Variants in KCNQ3 observed in about 807,000 individuals in gnomAD.
KCNQ3 encodes the protein potassium voltage-gated channel subfamily KQT member 3.
A neutral mutation model predicts 92.5 loss-of-function variants in KCNQ3; 30 were observed. That is an observed-to-expected ratio of 0.32 (90% CI 0.24 to 0.44). KCNQ3 has a LOEUF of 0.44. KCNQ3 is among the 20% of genes least tolerant of loss of function. The pLI is 1.00. For synonymous variants in KCNQ3, 450 were observed against 468.8 expected, an observed-to-expected ratio of 0.96 and a Z score of 0.52; for missense variants, 913 against 1,140.3, an observed-to-expected ratio of 0.80 and a Z score of 2.87.
chr8:132,141,986 A>T (rs1461568213), intron 9 of KCNQ3, among the ~76,000 whole-genome samples: 2 of 152,214 alleles, frequency 1.3e-5, no homozygotes, highest in Non-Finnish European at 2.9e-5. Flanking sequence ...AATCACAGAT[A>T]ATTTTATATC....
chr8:132,135,554 T>A (rs912976479), intron 12 of KCNQ3, among the ~76,000 whole-genome samples: 3 of 152,118 alleles, frequency 2.0e-5, no homozygotes, highest in Admixed American at 1.3e-4. Flanking sequence ...ATGTTCACCC[T>A]CCAGCCACAA....
At chr8:132,259,292 G>C (rs1266992101) in intron 1 of KCNQ3, among the ~76,000 whole-genome samples, 1 of 151,936 alleles carries the variant, frequency 6.6e-6, no homozygotes, top group African/African-American at 2.4e-5. Context: ...AAATAAAAAA[G>C]TTTATACAAC....
intron 1 of KCNQ3, among the ~76,000 whole-genome samples, chr8:132,285,794 T>A (rs562347275): frequency 2.0e-5 from 3 of 152,146 alleles, no homozygotes; most frequent in Admixed American, 6.5e-5. Context: ...CCCAGAAGCC[T>A]AAGAGGGCAG....
chr8:132,402,326 G>A (rs893128023), intron 1 of KCNQ3, among the ~76,000 whole-genome samples: 1 of 152,202 alleles, frequency 6.6e-6, no homozygotes, highest in Non-Finnish European at 1.5e-5. Flanking sequence ...TGGTGGCAAA[G>A]AACTTGCTCG....
chr8:132,304,346 AAAT>A (rs1817350855), intron 1 of KCNQ3, among the ~76,000 whole-genome samples: 1 of 152,234 alleles, frequency 6.6e-6, no homozygotes, highest in Non-Finnish European at 1.5e-5. Flanking sequence ...AGCCTTAAAA[AAAT>A]GAAGCTGCAC....
intron 1 of KCNQ3, among the ~76,000 whole-genome samples, chr8:132,371,647 G>A (rs1342061044): frequency 1.3e-5 from 2 of 152,188 alleles, no homozygotes; most frequent in African/African-American, 2.4e-5. Flanking sequence ...CAGAGGCAGG[G>A]AAGGCGATCC....
intron 9 of KCNQ3, 90 bp from the exon 10 acceptor site, chr8:132,141,421 T>G: frequency 1.2e-5 from 14 of 1,144,314 alleles, no homozygotes; most frequent in Non-Finnish European, 1.8e-5. Flanking sequence ...CACATTCTCC[T>G]CCAAGGAGAA....
At chr8:132,228,967 T>TTCTGGAGGC (rs35824365) in intron 1 of KCNQ3, among the ~76,000 whole-genome samples, 2,591 of 152,024 alleles carry the variant, frequency 0.017, 31 homozygotes, top group South Asian at 0.048. Context: ...ATAAAAATCT[T>TTCTGGAGGC]TCTGGAGGCT....
intron 1 of KCNQ3, among the ~76,000 whole-genome samples, chr8:132,270,342 G>GCC (rs1816112892): frequency 6.6e-6 from 1 of 152,192 alleles, no homozygotes; most frequent in East Asian, 1.9e-4. Flanking sequence ...TACGCAGGAA[G>GCC]TCCTAGTCAC....
chr8:132,347,953 G>T (rs1818745113), intron 1 of KCNQ3, among the ~76,000 whole-genome samples: 1 of 148,358 alleles, frequency 6.7e-6, no homozygotes, highest in African/African-American at 2.5e-5. Flanking sequence ...CTTCAGCCTG[G>T]GCGACAGAGC....
In KCNQ3 at chr8:132,142,836, T is replaced by C. The variant is rs1485160101; in HGVS notation, c.1263-1505A>G. 2.6e-5 allele frequency among the ~76,000 whole-genome samples: 4 copies of C among 152,170 alleles called. No individual in the cohort carries two copies. In the South Asian group the frequency reaches 6.2e-4, roughly 24 times the overall value. On this transcript the variant is annotated intron_variant, in intron 9 of 14. Transcript: ENST00000388996. ...GAAGCTGGGTGCAGTGTGGAGGTCATGGTGTTGTGGCTGCTGGAAGGGGAG... is the reference window on the plus strand; with the variant it reads ...GAAGCTGGGTGCAGTGTGGAGGTCACGGTGTTGTGGCTGCTGGAAGGGGAG...
intron 1 of KCNQ3, among the ~76,000 whole-genome samples, chr8:132,407,050 A>G (rs531374270): frequency 4.0e-4 from 61 of 152,324 alleles, no homozygotes; most frequent in Middle Eastern, 3.4e-3. Context: ...CTGTCAAAAC[A>G]AACTGAAAAT....
At chr8:132,267,637 A>G (rs1816029966) in intron 1 of KCNQ3, among the ~76,000 whole-genome samples, 1 of 152,310 alleles carries the variant, frequency 6.6e-6, no homozygotes, top group East Asian at 1.9e-4. Flanking sequence ...TACAGTCTGC[A>G]TCTGTGACTC....
chr8:132,394,622 G>T (rs1586982689), intron 1 of KCNQ3, among the ~76,000 whole-genome samples: 2 of 152,144 alleles, frequency 1.3e-5, no homozygotes, highest in East Asian at 1.9e-4. Flanking sequence ...AGTGAAAGTG[G>T]TACCCTACCC....
intron 1 of KCNQ3, among the ~76,000 whole-genome samples, chr8:132,409,737 T>C (rs1043567855): frequency 5.9e-5 from 9 of 152,172 alleles, no homozygotes; most frequent in African/African-American, 2.2e-4. Context: ...TATTTCCCTA[T>C]TTTAGAGTCA....
At chr8:132,459,947 G>T (rs1461756741) in intron 1 of KCNQ3, among the ~76,000 whole-genome samples, 1 of 114,648 alleles carries the variant, frequency 8.7e-6, no homozygotes, top group South Asian at 3.3e-4. Context: ...TTATACTTTT[G>T]TTATACTCCA....
rs2469630 is a variant in KCNQ3, at chr8:132,122,306, T to C, written c.*6956A>G. The C allele has an allele frequency of 0.21, 31,475 of 151,958 alleles. 3,759 individuals are homozygous for C. Among genetic ancestry groups the C allele is most frequent in the Middle Eastern group, 0.31 (90 of 294 alleles). The allele number at this position is 151,958 out of a possible 1,614,324, so 9.4% of individuals were successfully genotyped here. A position where few individuals can be genotyped will look rare whatever the true frequency, so the allele number is the denominator to read the frequency against. ...CATGTCACAAGCAACTCATAAGGAG[T>C]GCTTAGGATAAGTTTCTCTCCCCTT... On this transcript the variant is annotated 3_prime_UTR_variant, in exon 15 of 15. Coordinates refer to ENST00000388996, the MANE Select transcript of KCNQ3 (RefSeq NM_004519.4).
chr8:132,385,675 G>A (rs11994627), intron 1 of KCNQ3, among the ~76,000 whole-genome samples: 1,706 of 152,228 alleles, frequency 0.011, 25 homozygotes, highest in African/African-American at 0.039. Flanking sequence ...TCACCTTGAA[G>A]AGCAGAATTC....
chr8:132,145,743 T>C (rs921874957), intron 9 of KCNQ3, among the ~76,000 whole-genome samples: 4 of 152,152 alleles, frequency 2.6e-5, no homozygotes, highest in Admixed American at 6.5e-5. Context: ...AATGCAGTAA[T>C]GAAGAATGGG....
Sources: allele counts gnomAD v4.1 joint callset (sites outside exome capture counted in the v4.1 genomes callset), GRCh38; gene constraint gnomAD v4.1.1; transcripts MANE v1.5; gene names NCBI Gene and HGNC (gene_info 2026-07-23, HGNC 2026-07-21).